The following GRIN2A variants were observed in gnomAD, a reference collection of about 807,000 sequenced individuals.
GRIN2A encodes the protein glutamate ionotropic receptor NMDA type subunit 2A, also known as glutamate receptor ionotropic, NMDA 2A.
In GRIN2A, 22 loss-of-function variants were observed where a neutral mutation model predicts 113.4. That is an observed-to-expected ratio of 0.19 (90% CI 0.14 to 0.28). The LOEUF (loss-of-function observed/expected upper bound fraction) is 0.28. Among genes scored for constraint, GRIN2A ranks in the 10% least tolerant of loss-of-function variants. The pLI, the probability that GRIN2A is intolerant of heterozygous loss-of-function variation, is 1.00. For missense variants in GRIN2A, 1,502 were observed against 1,887.0 expected (o/e 0.80, Z 3.78); for synonymous variants, 827 against 738.4 (o/e 1.12, Z -1.94).
At chr16:10,039,792 G>A (rs917002396) in intron 2 of GRIN2A, among the ~76,000 whole-genome samples, 2 of 78,062 alleles carry the variant, frequency 2.6e-5, no homozygotes, top group Non-Finnish European at 5.1e-5. Context: ...GAGGGGGAGG[G>A]GGAGGGGGAG....
chr16:9,979,785 C>CGATATATATATATATATATA (rs2045852608), intron 2 of GRIN2A, among the ~76,000 whole-genome samples: 1 of 122,348 alleles, frequency 8.2e-6, no homozygotes, highest in South Asian at 3.2e-4. Flanking sequence ...GACTATGGGA[C>CGATATATATATATATATATA]TATATATATA....
chr16:10,122,827 C>G lies in GRIN2A; in HGVS notation c.414+57171G>C, dbSNP rs111929386. Among the ~76,000 whole-genome samples the G allele has an allele frequency of 9.1e-3, 1,390 of 152,250 alleles. 27 individuals carry two copies. The highest frequency in any genetic ancestry group is 0.032 in the African/African-American group (1,322 of 41,532). On this transcript the variant is annotated intron_variant, in intron 2 of 12. Coordinates refer to ENST00000330684, the MANE Select transcript of GRIN2A (RefSeq NM_001134407.3). ...GGAAATACACAATATCAATCATCAT[C>G]TATGCAACCACTCATTATTTTGACT...
chr16:9,825,053 A>G (rs2042360649), intron 9 of GRIN2A, among the ~76,000 whole-genome samples: 1 of 152,206 alleles, frequency 6.6e-6, no homozygotes, highest in African/African-American at 2.4e-5. Flanking sequence ...ATTGTCAGCA[A>G]GACCACAGAA....
At chr16:9,944,606 C>T (rs144938333) in intron 2 of GRIN2A, among the ~76,000 whole-genome samples, 36 of 152,250 alleles carry the variant, frequency 2.4e-4, no homozygotes, top group East Asian at 1.5e-3. Context: ...TAATCTGGAT[C>T]GTATGTGGTT....
intron 2 of GRIN2A, among the ~76,000 whole-genome samples, chr16:9,984,017 C>A (rs1365769203): frequency 1.3e-5 from 2 of 152,312 alleles, no homozygotes; most frequent in Non-Finnish European, 2.9e-5. Context: ...TTCCCACCAG[C>A]AATGTATACT....
rs543841492 is a variant in GRIN2A, at chr16:10,076,045, C to T, written c.414+103953G>A. Among the ~76,000 whole-genome samples, 12 of 152,130 alleles carry T rather than the reference C, an allele frequency of 7.9e-5. No homozygotes were observed. In the East Asian group the frequency reaches 1.2e-3, roughly 15 times the overall value. ...GACCCATCTGCAAGAGTGAAAAATG[C>T]GCCCATTGTGCTACCTGTAAAAAGC... is the stretch of plus-strand genomic sequence containing the variant. On this transcript the variant is annotated intron_variant, in intron 2 of 12. Transcript: ENST00000330684.
chr16:9,876,072 C>T (rs9925966), intron 4 of GRIN2A, among the ~76,000 whole-genome samples: 52,224 of 151,804 alleles, frequency 0.34, 10,130 homozygotes, highest in African/African-American at 0.54. Flanking sequence ...CTTTGGAACA[C>T]CAAGCTCTGT....
chr16:9,887,673 C>T (rs1009532760), intron 4 of GRIN2A, among the ~76,000 whole-genome samples: 1 of 152,140 alleles, frequency 6.6e-6, no homozygotes, highest in African/African-American at 2.4e-5. Flanking sequence ...ATATGTTTAT[C>T]TTTCTTTGGG....
intron 2 of GRIN2A, among the ~76,000 whole-genome samples, chr16:10,074,767 CT>C (rs1269353778): frequency 2.6e-5 from 4 of 152,190 alleles, no homozygotes; most frequent in African/African-American, 9.6e-5. Context: ...TATGAGGTTT[CT>C]TTTTGTGGTT....
At chr16:9,872,948 G>A (rs186726050) in intron 4 of GRIN2A, among the ~76,000 whole-genome samples, 9 of 152,306 alleles carry the variant, frequency 5.9e-5, no homozygotes, top group Non-Finnish European at 1.3e-4. Flanking sequence ...GTGGGGCTGA[G>A]GTGGGAAGAT....
chr16:10,039,835 G>GAGAGAGAGAGAGAGAGAGAGAGAGAGAGA (rs1399410843), intron 2 of GRIN2A, among the ~76,000 whole-genome samples: 2 of 137,876 alleles, frequency 1.5e-5, no homozygotes, highest in African/African-American at 5.4e-5. Context: ...GAGAGAGAGA[G>GAGAGAGAGAGAGAGAGAGAGAGAGAGAGA]GAGTCCTGGT....
At chr16:9,783,739 A>G (rs1902059445) in intron 11 of GRIN2A, among the ~76,000 whole-genome samples, 1 of 152,246 alleles carries the variant, frequency 6.6e-6, no homozygotes, top group Non-Finnish European at 1.5e-5. Flanking sequence ...GGCAACTGAT[A>G]TGTGTACTCA....
chr16:9,975,458 G>C (rs1215550704), intron 2 of GRIN2A, among the ~76,000 whole-genome samples: 1 of 152,296 alleles, frequency 6.6e-6, no homozygotes, highest in East Asian at 1.9e-4. Context: ...ATTGCTGGAG[G>C]AGCTACATGG....
At chr16:9,840,368 A>G (rs767569584) in intron 7 of GRIN2A, among the ~76,000 whole-genome samples, 13 of 152,088 alleles carry the variant, frequency 8.5e-5, no homozygotes, top group Non-Finnish European at 1.6e-4. Context: ...GAACTCACTC[A>G]TTATCACAAG....
chr16:9,808,466 G>A (rs1054385323), intron 10 of GRIN2A, among the ~76,000 whole-genome samples: 1 of 152,172 alleles, frequency 6.6e-6, no homozygotes, highest in African/African-American at 2.4e-5. Flanking sequence ...GAAAACATGA[G>A]AGTGAAAGAG....
At chr16:9,981,237 C>T (rs1297035698) in intron 2 of GRIN2A, among the ~76,000 whole-genome samples, 1 of 152,178 alleles carries the variant, frequency 6.6e-6, no homozygotes, top group Non-Finnish European at 1.5e-5. Flanking sequence ...GATCTCAAGG[C>T]AGCACTGCCA....
intron 2 of GRIN2A, among the ~76,000 whole-genome samples, chr16:9,956,896 G>A (rs888566399): frequency 1.3e-5 from 2 of 152,068 alleles, no homozygotes; most frequent in Non-Finnish European, 2.9e-5. Flanking sequence ...CAAGTGTGAG[G>A]GTCTTTAAGA....
intron 11 of GRIN2A, among the ~76,000 whole-genome samples, chr16:9,783,996 G>C (rs1902072657): frequency 6.6e-6 from 1 of 152,010 alleles, no homozygotes; most frequent in Non-Finnish European, 1.5e-5. Context: ...GGAGGGAGAG[G>C]ATCAGGAAAA....
chr16:10,148,183 T>A (rs1298319029), intron 2 of GRIN2A, among the ~76,000 whole-genome samples: 2 of 152,146 alleles, frequency 1.3e-5, no homozygotes, highest in Non-Finnish European at 2.9e-5. Context: ...ACCACCCAGT[T>A]TTTGTACATA....
Sources: allele counts gnomAD v4.1 joint callset (sites outside exome capture counted in the v4.1 genomes callset), GRCh38; gene constraint gnomAD v4.1.1; transcripts MANE v1.5; gene names NCBI Gene and HGNC (gene_info 2026-07-23, HGNC 2026-07-21).